The following NCOR2 variants were observed in gnomAD, a reference collection of about 807,000 sequenced individuals.
The protein encoded by NCOR2 is CTG repeat protein 26.
NCOR2 carries 81 observed loss-of-function variants against 262.9 expected under a neutral mutation model. The observed-to-expected ratio is 0.31, with a 90% CI of 0.26 to 0.37. The LOEUF is 0.37. NCOR2 is among the 10% of genes least tolerant of loss of function. The probability of loss-of-function intolerance (pLI) is 1.00; values close to 1 mark genes in which losing one functional copy is unlikely to be tolerated. For synonymous variants in NCOR2, 1,659 were observed against 1,559.3 expected, an observed-to-expected ratio of 1.06 and a Z score of -1.51; for missense variants, 3,385 against 3,621.4, an observed-to-expected ratio of 0.93 and a Z score of 1.68.
chr12:124,447,644 A>T (rs2136483045), intron 7 of NCOR2, among the ~76,000 whole-genome samples: 1 of 152,246 alleles, frequency 6.6e-6, no homozygotes, highest in South Asian at 2.1e-4. Flanking sequence ...TAAGATAGTT[A>T]TGTCAGCATA....
At chr12:124,425,414 ATTT>A (rs1326220952) in intron 11 of NCOR2, among the ~76,000 whole-genome samples, 1 of 151,702 alleles carries the variant, frequency 6.6e-6, no homozygotes, top group Non-Finnish European at 1.5e-5. Context: ...ACCTTATGAG[ATTT>A]TTTTTGTGAT....
chr12:124,448,789 G>A (rs1480054028), intron 7 of NCOR2, among the ~76,000 whole-genome samples: 1 of 152,178 alleles, frequency 6.6e-6, no homozygotes, highest in Non-Finnish European at 1.5e-5. Flanking sequence ...GGAACGGGGA[G>A]CTCACCACCG....
At chr12:124,442,721 A>G (rs2136450944) in intron 7 of NCOR2, among the ~76,000 whole-genome samples, 1 of 152,308 alleles carries the variant, frequency 6.6e-6, no homozygotes, top group Middle Eastern at 3.4e-3. Flanking sequence ...CCCAACTACA[A>G]AAAAACTGAT....
intron 3 of NCOR2, among the ~76,000 whole-genome samples, chr12:124,480,337 C>T (rs1406371013): frequency 6.6e-6 from 1 of 152,216 alleles, no homozygotes; most frequent in Non-Finnish European, 1.5e-5. Flanking sequence ...ATTAGGATGC[C>T]ACCTGGCCAC....
chr12:124,497,011 A>T (rs1160550766), upstream of NCOR2, among the ~76,000 whole-genome samples: 1 of 152,246 alleles, frequency 6.6e-6, no homozygotes, highest in Non-Finnish European at 1.5e-5. This position sits in a 1 kb window ranked among gnomAD's most constrained non-coding sequence, Gnocchi z 4.2. Context: ...AAAGGGCGGT[A>T]AGAGCAGGTT....
chr12:124,408,573 C>T (rs1322806018), intron 13 of NCOR2, among the ~76,000 whole-genome samples: 1 of 151,912 alleles, frequency 6.6e-6, no homozygotes, highest in African/African-American at 2.4e-5. Context: ...CAGTGAGACC[C>T]TGTCACTACA....
At chr12:124,391,389 C>T (rs1218103137) in intron 16 of NCOR2, among the ~76,000 whole-genome samples, 3 of 152,146 alleles carry the variant, frequency 2.0e-5, no homozygotes, top group Admixed American at 6.5e-5. Context: ...CCATTTTCCC[C>T]GAGAAACTCA....
intron 20 of NCOR2, among the ~76,000 whole-genome samples, chr12:124,364,734 G>A (rs1441171657): frequency 1.3e-5 from 2 of 152,188 alleles, no homozygotes; most frequent in Non-Finnish European, 2.9e-5. Context: ...GGTCTCCAAG[G>A]GCAGGAACTG....
At chr12:124,551,793 G>A (rs701024) in intron 1 of NCOR2, among the ~76,000 whole-genome samples, 25,325 of 152,108 alleles carry the variant, frequency 0.17, 2,304 homozygotes, top group Non-Finnish European at 0.2. Flanking sequence ...GGCGCGGGCC[G>A]TTTTCTTCCT....
intron 1 of NCOR2, among the ~76,000 whole-genome samples, chr12:124,524,839 G>T (rs996754515): frequency 2.6e-5 from 4 of 151,608 alleles, no homozygotes; most frequent in African/African-American, 9.8e-5. Flanking sequence ...CTCACCACCC[G>T]CGATAGCACT....
chr12:124,335,586 G>A, exon 39 of NCOR2: 2 of 1,608,342 alleles, frequency 1.2e-6, no homozygotes, highest in African/African-American at 1.3e-5. Context: ...AGCTCACAGG[G>A]CTGACGGGCT....
At chr12:124,363,948 A>G (rs2038812288) in intron 20 of NCOR2, 149 bp from the exon 23 acceptor site, 1 of 593,610 alleles carries the variant, frequency 1.7e-6, no homozygotes, top group Non-Finnish European at 2.5e-6. Flanking sequence ...CAGCTCACCC[A>G]GATAATGTCA....
intron 1 of NCOR2, among the ~76,000 whole-genome samples, chr12:124,521,429 C>A (rs772864390): frequency 6.6e-6 from 1 of 152,166 alleles, no homozygotes; most frequent in Non-Finnish European, 1.5e-5. Flanking sequence ...AATGGAATTC[C>A]GCCATATAAA....
intron 5 of NCOR2, among the ~76,000 whole-genome samples, chr12:124,461,037 G>T (rs2046133230): frequency 6.6e-6 from 1 of 152,256 alleles, no homozygotes; most frequent in African/African-American, 2.4e-5. Flanking sequence ...GCAAAACTCA[G>T]GGACTGCTCC....
At chr12:124,445,923 C>T (rs1344573626) in intron 7 of NCOR2, among the ~76,000 whole-genome samples, 1 of 152,332 alleles carries the variant, frequency 6.6e-6, no homozygotes, top group Middle Eastern at 3.4e-3. Context: ...ACGTCTGAAA[C>T]TGAGCCCTAG....
At chr12:124,493,312 AC>A (rs1293623685) in intron 1 of NCOR2, among the ~76,000 whole-genome samples, 1 of 152,070 alleles carries the variant, frequency 6.6e-6, no homozygotes, top group Non-Finnish European at 1.5e-5. Flanking sequence ...AGCCAGCAGC[AC>A]CCCCAGGGCA....
At chr12:124,406,315 C>T (rs150735422) in intron 13 of NCOR2, among the ~76,000 whole-genome samples, 150 of 152,326 alleles carry the variant, frequency 9.8e-4, no homozygotes, top group African/African-American at 3.3e-3. Context: ...CAGTGTTACC[C>T]ACACCTGCAG....
At chr12:124,347,585 A>C in intron 30 of NCOR2, 3 of 517,300 alleles carry the variant, frequency 5.8e-6, no homozygotes, top group African/African-American at 1.9e-5. Context: ...GACAGTTGCT[A>C]TGTGACACCT....
At chr12:124,564,765 G>A (rs921798198) in intron 1 of NCOR2, among the ~76,000 whole-genome samples, 1 of 152,130 alleles carries the variant, frequency 6.6e-6, no homozygotes, top group African/African-American at 2.4e-5. Context: ...TGGGAACACA[G>A]AACTATGAAT....
Sources: allele counts gnomAD v4.1 joint callset (sites outside exome capture counted in the v4.1 genomes callset), GRCh38; gene constraint gnomAD v4.1.1; non-coding constraint Gnocchi (gnomAD v3.1); transcripts MANE v1.5; gene names NCBI Gene and HGNC (gene_info 2026-07-23, HGNC 2026-07-21).